The following CDH13 variants were observed in gnomAD, a reference collection of about 807,000 sequenced individuals.
CDH13 encodes the protein cadherin-13.
In CDH13, 24 loss-of-function variants were observed where a neutral mutation model predicts 63.8. That is an observed-to-expected ratio of 0.38 (90% confidence interval 0.27 to 0.53). The LOEUF (loss-of-function observed/expected upper bound fraction) is 0.53. Among genes scored for constraint, CDH13 ranks in the 20% least tolerant of loss-of-function variants. CDH13 has a pLI of 0.85. For synonymous variants in CDH13, 503 were observed against 355.3 expected (o/e 1.42, Z -4.67); for missense variants, 1,049 against 903.1 (o/e 1.16, Z -2.07).
intron 3 of CDH13, among the ~76,000 whole-genome samples, chr16:83,112,789 T>C (rs368441973): frequency 6.6e-6 from 1 of 152,242 alleles, no homozygotes; most frequent in South Asian, 2.1e-4. Flanking sequence ...CATCGAGGTA[T>C]CTATTTACCA....
chr16:83,755,604 T>C lies in CDH13; in HGVS notation c.1681+7354T>C, dbSNP rs1199598568. 2.6e-5 allele frequency among the ~76,000 whole-genome samples: 4 copies of C among 152,220 alleles called. No homozygotes were observed. The South Asian group carries it at 6.2e-4, about 24-fold the overall frequency. On this transcript the variant is annotated intron_variant, in intron 11 of 13. Coordinates refer to ENST00000567109, the MANE Select transcript of CDH13 (RefSeq NM_001257.5). ...TGCAAATGAGCTACAATATGACTTA[T>C]GGCTGACTTCTAGATAGAAATAATG...
intron 8 of CDH13, among the ~76,000 whole-genome samples, chr16:83,660,741 A>G (rs1338389244): frequency 6.6e-6 from 1 of 152,230 alleles, no homozygotes; most frequent in Non-Finnish European, 1.5e-5. Context: ...CTCCAGATTC[A>G]GATGTTGGTG....
intron 10 of CDH13, among the ~76,000 whole-genome samples, chr16:83,740,964 G>A (rs1912002474): frequency 6.6e-6 from 1 of 152,218 alleles, no homozygotes; most frequent in Admixed American, 6.5e-5. Flanking sequence ...GAAAATGCAG[G>A]TAGAAAGTCA....
At chr16:83,671,014 C>T (rs376344034) in intron 9 of CDH13, 42 bp downstream of exon 9, 212 of 1,489,500 alleles carry the variant, frequency 1.4e-4, no homozygotes, top group Middle Eastern at 2.2e-4. Flanking sequence ...CATGCGAGCA[C>T]GGAGGGCCCC....
intron 2 of CDH13, among the ~76,000 whole-genome samples, chr16:83,026,411 T>C (rs368623110): frequency 2.6e-5 from 4 of 152,210 alleles, no homozygotes; most frequent in Non-Finnish European, 5.9e-5. Context: ...CTGTAAAATA[T>C]AATATGATGC....
chr16:82,723,829 A>G (rs1341432410), intron 1 of CDH13, among the ~76,000 whole-genome samples: 1 of 152,188 alleles, frequency 6.6e-6, no homozygotes, highest in East Asian at 1.9e-4. Flanking sequence ...GCCATGTGCT[A>G]GGTTCTCAGT....
chr16:82,747,917 A>G (rs146211248), intron 1 of CDH13, among the ~76,000 whole-genome samples: 1 of 152,334 alleles, frequency 6.6e-6, no homozygotes, highest in East Asian at 1.9e-4. Context: ...CATCCAGGCA[A>G]CCTTCTTTTT....
At chr16:83,275,058 A>G (rs933456403) in intron 5 of CDH13, among the ~76,000 whole-genome samples, 5 of 152,096 alleles carry the variant, frequency 3.3e-5, no homozygotes, top group African/African-American at 9.7e-5. Context: ...ACTTCCCACT[A>G]TTATACATGA....
At chr16:83,138,173 T>A (rs374008928) in intron 4 of CDH13, among the ~76,000 whole-genome samples, 2 of 152,218 alleles carry the variant, frequency 1.3e-5, no homozygotes, top group South Asian at 4.2e-4. Context: ...AGAGAGTCAG[T>A]TGATGCCTCT....
chr16:82,988,165 T>C (rs980775329), intron 2 of CDH13, among the ~76,000 whole-genome samples: 1 of 152,172 alleles, frequency 6.6e-6, no homozygotes, highest in African/African-American at 2.4e-5. Context: ...TGTACATGCA[T>C]ATGTGGTGTG....
chr16:83,742,610 G>A (rs1398989875), intron 10 of CDH13, among the ~76,000 whole-genome samples: 1 of 152,132 alleles, frequency 6.6e-6, no homozygotes, highest in African/African-American at 2.4e-5. Context: ...TTTACATAGC[G>A]CGCCTGGCCG....
intron 8 of CDH13, among the ~76,000 whole-genome samples, chr16:83,618,599 C>T (rs1205417293): frequency 6.6e-6 from 1 of 152,124 alleles, no homozygotes; most frequent in Non-Finnish European, 1.5e-5. Flanking sequence ...TAGCAAGTCA[C>T]AGGATCATCC....
intron 8 of CDH13, among the ~76,000 whole-genome samples, chr16:83,663,747 A>T (rs1913666060): frequency 6.6e-6 from 1 of 152,170 alleles, no homozygotes; most frequent in African/African-American, 2.4e-5. Flanking sequence ...TCTCACCTCT[A>T]GCATCTGATT....
At chr16:83,635,995 GT>G (rs1406735334) in intron 8 of CDH13, among the ~76,000 whole-genome samples, 6 of 151,982 alleles carry the variant, frequency 3.9e-5, no homozygotes, top group Non-Finnish European at 7.4e-5. Flanking sequence ...AAAGTGTAAG[GT>G]TTAGGTTGAG....
intron 4 of CDH13, among the ~76,000 whole-genome samples, chr16:83,175,044 A>G (rs532332211): frequency 6.6e-6 from 1 of 152,200 alleles, no homozygotes; most frequent in South Asian, 2.1e-4. Context: ...CCATATCACC[A>G]TGCTAGCCAC....
intron 6 of CDH13, among the ~76,000 whole-genome samples, chr16:83,363,012 G>A (rs1253822904): frequency 5.3e-5 from 8 of 152,148 alleles, no homozygotes. Flanking sequence ...TGTCCTAATT[G>A]CAACTCAAAG....
chr16:83,443,387 C>G (rs1256928588), intron 6 of CDH13, among the ~76,000 whole-genome samples: 2 of 152,166 alleles, frequency 1.3e-5, no homozygotes, highest in Non-Finnish European at 2.9e-5. Context: ...TCATTAGGAG[C>G]ACATTCTCAG....
rs182992438 is a variant in CDH13 at position 82,737,814 on chromosome 16, C to T, written c.45+110677C>T. ...AACAGCTTTACTGAGGTATAATTGA[C>T]CTACAAAAAATTGCTCCGGTTTAAT... is the stretch of plus-strand genomic sequence containing the variant. On this transcript the variant is annotated intron_variant, in intron 1 of 13. Transcript: ENST00000567109. Among the ~76,000 whole-genome samples the T allele has an allele frequency of 6.6e-4, 101 of 152,276 alleles. 1 individual carries two copies. Among genetic ancestry groups the T allele is most frequent in the Non-Finnish European group, 1.2e-3 (80 of 68,016 alleles).
chr16:83,722,698 C>A (rs1909855224), intron 10 of CDH13, among the ~76,000 whole-genome samples: 1 of 152,210 alleles, frequency 6.6e-6, no homozygotes. Context: ...CCTCGCAAGG[C>A]TTTTGGTCTT....
Sources: allele counts gnomAD v4.1 joint callset (sites outside exome capture counted in the v4.1 genomes callset), GRCh38; gene constraint gnomAD v4.1.1; transcripts MANE v1.5; gene names NCBI Gene and HGNC (gene_info 2026-07-23, HGNC 2026-07-21).